Variants in RNF166 observed in about 807,000 individuals in gnomAD.
RNF166 encodes ring finger protein 166.
Under a neutral mutation model 29.4 loss-of-function variants are expected in RNF166, and 19 were observed. That is an observed-to-expected ratio of 0.65 (90% CI 0.45 to 0.95). The LOEUF is 0.95. Among genes scored for constraint, RNF166 ranks in the 40% least tolerant of loss-of-function variants. The pLI, the probability that RNF166 is intolerant of heterozygous loss-of-function variation, is 0.00. For synonymous variants in RNF166, 171 were observed against 134.5 expected (o/e 1.27, Z -1.88); for missense variants, 347 against 322.1 (o/e 1.08, Z -0.59).
intron 1 of RNF166, among the ~76,000 whole-genome samples, chr16:88,701,873 C>A (rs1910274797): frequency 6.6e-6 from 1 of 152,220 alleles, no homozygotes; most frequent in Admixed American, 6.5e-5. Flanking sequence ...AAGGAAACGG[C>A]CAGGCCCCAG....
intron 4 of RNF166, 99 bp downstream of exon 4, chr16:88,698,871 TG>T: frequency 1.0e-6 from 1 of 968,022 alleles, no homozygotes; most frequent in Non-Finnish European, 1.6e-6. Context: ...CTTTGTGGCC[TG>T]GGCACCCCCG....
chr16:88,701,608 C>G (rs1910241160), intron 1 of RNF166, 190 bp from the exon 2 acceptor site: 1 of 583,060 alleles, frequency 1.7e-6, no homozygotes, highest in Non-Finnish European at 2.9e-6. Context: ...CCCCATCTGG[C>G]TAAAGGGTGG....
chr16:88,703,946 G>C (rs1910518832), intron 1 of RNF166: 1 of 985,490 alleles, frequency 1.0e-6, no homozygotes, highest in African/African-American at 1.7e-5. Flanking sequence ...GCAGGTTCGT[G>C]ATCACGCGTG....
chr16:88,700,689 G>A (rs924327130), intron 2 of RNF166: 59 of 987,268 alleles, frequency 6.0e-5, no homozygotes, highest in Non-Finnish European at 6.9e-5. Context: ...ACCCTGAAGC[G>A]GATGTGCCAG....
chr16:88,703,807 G>A (rs1363796895), intron 1 of RNF166: 1 of 985,348 alleles, frequency 1.0e-6, no homozygotes, highest in Non-Finnish European at 1.2e-6. Flanking sequence ...CTCCCACACT[G>A]GCCGCTGCAC....
At chr16:88,700,407 G>A (rs940796727) in intron 2 of RNF166, 2 of 161,834 alleles carry the variant, frequency 1.2e-5, no homozygotes, top group Admixed American at 1.3e-4. Context: ...CAGGAGAGAA[G>A]AACTCTGAGC....
chr16:88,696,598 G>A lies in RNF166; in HGVS notation c.*970C>T, dbSNP rs759675710. On this transcript the variant is annotated 3_prime_UTR_variant, in exon 6 of 6. Coordinates refer to ENST00000312838, the MANE Select transcript of RNF166 (RefSeq NM_178841.4). ...AGAATGTTGACGTGTTGCCCGGCCC[G>A]CCAAGCGGGCCCCTGCCCAGGCCCC... is the stretch of plus-strand genomic sequence containing the variant. The A allele has an allele frequency of 1.1e-5, 5 of 454,106 alleles. No individual in the cohort carries two copies. The highest frequency in any genetic ancestry group is 2.0e-5 in the African/African-American group (1 of 49,928). 28.1% of individuals were successfully genotyped at this position (454,106 alleles called of 1,614,324 possible).
chr16:88,701,053 G>A (rs1597406885), intron 2 of RNF166: 1 of 1,346,372 alleles, frequency 7.4e-7, no homozygotes. Flanking sequence ...CACCGGGCTG[G>A]CCCCCCCGTC....
At chr16:88,703,283 G>C (rs1012319735) in intron 1 of RNF166, 2 of 984,796 alleles carry the variant, frequency 2.0e-6, no homozygotes, top group Non-Finnish European at 2.4e-6. Flanking sequence ...CACTGGAAAC[G>C]ACTGGATGGT....
In RNF166 at chr16:88,698,622, C is replaced by G. The variant is rs930019127; in HGVS notation, c.541-13G>C. The G allele has an allele frequency of 1.3e-6, 2 of 1,503,550 alleles. No individual in the cohort carries two copies. The highest frequency in any genetic ancestry group is 2.5e-5 in the East Asian group (1 of 40,418). 93.1% of individuals were successfully genotyped at this position (1,503,550 alleles called of 1,614,324 possible). Reference sequence around the variant, plus strand: ...AGATGGGGCACACCTGGAACAGGCACTGGGGTCAAGCCGAGCCGGACCGCG... The same window carrying G: ...AGATGGGGCACACCTGGAACAGGCAGTGGGGTCAAGCCGAGCCGGACCGCG... On this transcript the variant is annotated splice_polypyrimidine_tract_variant and intron_variant, in intron 4 of 5. Transcript: ENST00000312838.
Position 88,706,407 on chromosome 16 carries a change from C to T in RNF166, c.-82G>A, listed in dbSNP as rs880233. 0.2 allele frequency: 242,985 copies of T among 1,234,142 alleles called. 28,901 individuals carry two copies. Among genetic ancestry groups the T allele is most frequent in the East Asian group, 0.69 (20,684 of 30,160 alleles). 76.4% of individuals were successfully genotyped at this position (1,234,142 alleles called of 1,614,324 possible). ...TAGTCACAGCCGCTACTGCGCCGCG[C>T]TGACGTCATCGTAGGGCGCCGCCCC... is the stretch of plus-strand genomic sequence containing the variant. On this transcript the variant is annotated 5_prime_UTR_variant, in exon 1 of 6. Transcript: ENST00000312838.
chr16:88,700,434 T>G (rs796335222), intron 2 of RNF166: 30 of 187,942 alleles, frequency 1.6e-4, no homozygotes, highest in African/African-American at 5.9e-4. Flanking sequence ...AGACGGGAGG[T>G]GCCCAAGCAC....
chr16:88,700,417 C>T, intron 2 of RNF166: 1 of 166,576 alleles, frequency 6.0e-6, no homozygotes, highest in Non-Finnish European at 1.2e-5. Flanking sequence ...GAACTCTGAG[C>T]AGGGAGAGAC....
At chr16:88,704,273 G>C in intron 1 of RNF166, 3 of 985,470 alleles carry the variant, frequency 3.0e-6, no homozygotes, top group Non-Finnish European at 3.6e-6. Context: ...TAGAAGCAGA[G>C]AGAGAACAGC....
Position 88,698,970 on chromosome 16 carries a change from C to A in RNF166, c.540+1G>T. On this transcript the variant is annotated splice_donor_variant, in intron 4 of 5. Transcript: ENST00000312838. LOFTEE classifies it high-confidence loss of function. Reference sequence around the variant, plus strand: ...CGTCGCTTGGGGCAGGCACTGCTCACCACGCGGTTGGGGTCGCTGCGGTGG... The same window carrying A: ...CGTCGCTTGGGGCAGGCACTGCTCAACACGCGGTTGGGGTCGCTGCGGTGG... 1.3e-6 allele frequency: 2 copies of A among 1,584,246 alleles called. No individual in the cohort carries two copies. The highest frequency in any genetic ancestry group is 1.7e-6 in the Non-Finnish European group (2 of 1,164,706).
chr16:88,698,671 G>A, intron 4 of RNF166, 62 bp from the exon 5 acceptor site: 1 of 1,282,150 alleles, frequency 7.8e-7, no homozygotes, highest in Admixed American at 2.4e-5. Context: ...GCCGCAGTAG[G>A]ACTGGGGGCC....
At chr16:88,698,042 C>T (rs1242502890) in intron 5 of RNF166, 8 of 531,972 alleles carry the variant, frequency 1.5e-5, no homozygotes, top group Admixed American at 6.8e-5. Flanking sequence ...ATGAACAGGG[C>T]GGCGCAGGGA....
At chr16:88,702,648 C>T in intron 1 of RNF166, 3 of 963,882 alleles carry the variant, frequency 3.1e-6, no homozygotes, top group Non-Finnish European at 3.7e-6. Context: ...TCCCACAGAG[C>T]CACCACCTGG....
At chr16:88,700,120 G>C (rs930683411) in intron 2 of RNF166, 1 of 162,842 alleles carries the variant, frequency 6.1e-6, no homozygotes, top group African/African-American at 2.4e-5. Context: ...GGGCAAGCTG[G>C]GGATGCTTCC....
Sources: gnomAD v4.1 joint callset for allele counts (sites outside exome capture counted in the v4.1 genomes callset) on GRCh38, gnomAD v4.1.1 for gene constraint, MANE v1.5 for transcripts, NCBI Gene and HGNC (gene_info 2026-07-23, HGNC 2026-07-21) for gene names.